Variants in NT5M observed in about 807,000 individuals in gnomAD.
NT5M encodes 5'(3')-deoxyribonucleotidase, mitochondrial.
In NT5M, 22 loss-of-function variants were observed where a neutral mutation model predicts 22.2. The ratio of observed to expected loss-of-function variants is 0.99; its 90% CI spans 0.71 to 1.41. The LOEUF (loss-of-function observed/expected upper bound fraction) is 1.41, where lower values mean the gene tolerates loss of function less well. NT5M is among the 40% of genes most tolerant of loss of function. NT5M has a pLI of 0.00. For synonymous variants in NT5M, 167 were observed against 133.0 expected (o/e 1.26, Z -1.76); for missense variants, 322 against 314.8 (o/e 1.02, Z -0.17).
chr17:17,328,873 C>G (rs1040798414), intron 3 of NT5M, among the ~76,000 whole-genome samples: 2 of 152,100 alleles, frequency 1.3e-5, no homozygotes, highest in East Asian at 3.9e-4. Flanking sequence ...CCAGATTGCT[C>G]GGTAATAGTT....
chr17:17,340,110 C>T lies in NT5M; in HGVS notation c.430-4684C>T, dbSNP rs12600778. Reference sequence around the variant, plus strand: ...ATTCAGCAGTGAAGCTATTGGGTCCCGGCCTTTTCTTTGCTGGGAGACTTT... The same window carrying T: ...ATTCAGCAGTGAAGCTATTGGGTCCTGGCCTTTTCTTTGCTGGGAGACTTT... On this transcript the variant is annotated intron_variant, in intron 3 of 4. Transcript: ENST00000389022. 4.2e-3 allele frequency among the ~76,000 whole-genome samples: 638 copies of T among 152,080 alleles called. 39 individuals are homozygous for T. The East Asian group carries it at 0.11, about 27-fold the overall frequency.
At chr17:17,345,645 A>AC (rs2049742955) in intron 4 of NT5M, among the ~76,000 whole-genome samples, 1 of 150,340 alleles carries the variant, frequency 6.7e-6, no homozygotes, top group African/African-American at 2.4e-5. Context: ...AAAAAAAAAA[A>AC]AAAAAACACA....
At chr17:17,344,649 C>T (rs2049719322) in intron 3 of NT5M, 145 bp from the exon 4 acceptor site, 11 of 946,052 alleles carry the variant, frequency 1.2e-5, no homozygotes, top group Non-Finnish European at 4.8e-6. Flanking sequence ...CACTGACTGC[C>T]TGGCGCTGGG....
chr17:17,330,432 A>G (rs376787785), intron 3 of NT5M, among the ~76,000 whole-genome samples: 188 of 150,710 alleles, frequency 1.2e-3, no homozygotes, highest in African/African-American at 4.3e-3. Flanking sequence ...CTGGAATGCA[A>G]TGGCGTGATC....
chr17:17,306,536 T>G lies in NT5M; in HGVS notation c.268-7T>G. ...CTGGAAGTAACTTGCTTTTCTCAAC[T>G]TCTCAGGAGAAGGCCATCAGCATTT... On this transcript the variant is annotated splice_region_variant and splice_polypyrimidine_tract_variant and intron_variant, in intron 1 of 4. Transcript: ENST00000389022. The G allele has an allele frequency of 6.2e-7, 1 of 1,610,812 alleles. No homozygotes were observed. The highest frequency in any genetic ancestry group is 1.7e-4 in the Middle Eastern group (1 of 5,970).
chr17:17,319,706 GC>G (rs1385987673), intron 2 of NT5M, among the ~76,000 whole-genome samples: 2 of 152,216 alleles, frequency 1.3e-5, no homozygotes, highest in African/African-American at 4.8e-5. Flanking sequence ...GTTGCCTAGG[GC>G]CCCAGGGGCA....
chr17:17,303,428 TCCCGCGCTCCACGC>T lies in NT5M; in HGVS notation c.-122_-109del. On this transcript the variant is annotated 5_prime_UTR_variant, in exon 1 of 5. Coordinates refer to ENST00000389022, the MANE Select transcript of NT5M (RefSeq NM_020201.4). ...CCCGCGCTCCCCGCCCCGCTCCCCGTCCCGCGCTCCACGCGCGCCCCAGCGTTGGGGGCTTCTCC... is the reference window on the plus strand; with the variant it reads ...CCCGCGCTCCCCGCCCCGCTCCCCGTGCGCCCCAGCGTTGGGGGCTTCTCC... The T allele has an allele frequency of 1.0e-6, 1 of 981,260 alleles. No individual in the cohort carries two copies. Among genetic ancestry groups the T allele is most frequent in the Non-Finnish European group, 1.2e-6 (1 of 824,342 alleles). The allele number at this position is 981,260 out of a possible 1,614,324, so 60.8% of individuals were successfully genotyped here.
intron 1 of NT5M, among the ~76,000 whole-genome samples, chr17:17,305,097 C>T (rs1284714734): frequency 2.6e-5 from 4 of 152,026 alleles, no homozygotes; most frequent in South Asian, 2.1e-4. Context: ...AGGCAGCGCT[C>T]GGCATGGGGA....
intron 4 of NT5M, among the ~76,000 whole-genome samples, chr17:17,345,646 A>AC (rs1310736538): frequency 6.7e-6 from 1 of 149,246 alleles, no homozygotes; most frequent in African/African-American, 2.4e-5. Context: ...AAAAAAAAAA[A>AC]AAAAACACAA....
chr17:17,317,431 C>A (rs1756858194), intron 2 of NT5M, among the ~76,000 whole-genome samples: 1 of 152,144 alleles, frequency 6.6e-6, no homozygotes, highest in Admixed American at 6.5e-5. Flanking sequence ...TGGCCAGTAA[C>A]TACCTGAAAA....
chr17:17,323,741 C>T (rs2049205865), intron 3 of NT5M, among the ~76,000 whole-genome samples: 1 of 152,158 alleles, frequency 6.6e-6, no homozygotes. Flanking sequence ...GCCGGCCCTC[C>T]CTGGGGACGT....
At chr17:17,312,644 CAAAAA>C (rs35712658) in intron 2 of NT5M, among the ~76,000 whole-genome samples, 60 of 107,344 alleles carry the variant, frequency 5.6e-4, no homozygotes, top group African/African-American at 2.1e-3. Context: ...AACTCCATCT[CAAAAA>C]AAAAAAAAAA....
chr17:17,325,451 C>T (rs2049246086), intron 3 of NT5M, among the ~76,000 whole-genome samples: 1 of 152,086 alleles, frequency 6.6e-6, no homozygotes, highest in Non-Finnish European at 1.5e-5. Context: ...TCACTTCCAG[C>T]CTGTTGGTGA....
At chr17:17,334,246 C>A (rs980783022) in intron 3 of NT5M, among the ~76,000 whole-genome samples, 34 of 151,854 alleles carry the variant, frequency 2.2e-4, no homozygotes, top group Non-Finnish European at 4.6e-4. Context: ...GGATTACAAG[C>A]GTGAGCCACC....
intron 4 of NT5M, 81 bp from the exon 5 acceptor site, chr17:17,346,724 C>T (rs2049766983): frequency 1.9e-6 from 3 of 1,558,090 alleles, no homozygotes; most frequent in Admixed American, 3.4e-5. Context: ...CAGATGCCTG[C>T]CTGGATACCC....
Position 17,346,879 on chromosome 17 carries a change from C to T in NT5M, c.619C>T (p.Pro207Ser). ...CHNQHLQLQP[P>S]RRRLHSWADD... is the part of the protein sequence containing the mutation. ...CAACCAGCACCTGCAGCTGCAGCCC[C>T]CCCGCCGCAGGCTGCACTCGTGGGC... Residue 207 changes from proline (P) to serine (S), a missense_variant, in exon 5 of 5, where the codon CCC (proline) becomes TCC (serine). Physicochemically the swap from Pro to Ser is moderately conservative, Grantham distance 74. Transcript: ENST00000389022. 5 of 1,609,746 alleles carry T rather than the reference C, an allele frequency of 3.1e-6. No individual in the cohort carries two copies. Among genetic ancestry groups the T allele is most frequent in the Non-Finnish European group, 4.2e-6 (5 of 1,179,898 alleles).
At chr17:17,328,382 AGGGGAGAAGTGCG>A (rs1386752247) in intron 3 of NT5M, among the ~76,000 whole-genome samples, 6 of 152,132 alleles carry the variant, frequency 3.9e-5, no homozygotes, top group African/African-American at 1.4e-4. Context: ...AACTAAGACA[AGGGGAGAAGTGCG>A]GGTGAGAAGT....
At chr17:17,318,781 G>A (rs1222224882) in intron 2 of NT5M, among the ~76,000 whole-genome samples, 1 of 56,882 alleles carries the variant, frequency 1.8e-5, no homozygotes, top group East Asian at 6.5e-4. Flanking sequence ...GCAGAACTCC[G>A]TCTCAAAAAA....
chr17:17,325,496 G>A (rs1328917401), intron 3 of NT5M, among the ~76,000 whole-genome samples: 1 of 152,056 alleles, frequency 6.6e-6, no homozygotes, highest in Non-Finnish European at 1.5e-5. Context: ...TCGAAAACGT[G>A]CCTGGCACCT....
Sources: gnomAD v4.1 joint callset for allele counts (sites outside exome capture counted in the v4.1 genomes callset) on GRCh38, gnomAD v4.1.1 for gene constraint, MANE v1.5 for transcripts, NCBI Gene and HGNC (gene_info 2026-07-23, HGNC 2026-07-21) for gene names.